SDK1: variants seen among roughly 807,000 people sequenced by gnomAD.
SDK1 encodes protein sidekick-1.
SDK1 carries 157 observed loss-of-function variants against 245.5 expected under a neutral mutation model. The ratio of observed to expected loss-of-function variants is 0.64; its 90% CI spans 0.56 to 0.73. SDK1 has a LOEUF of 0.73. Ranked by LOEUF, SDK1 falls within the 30% of genes least tolerant of loss-of-function variation. The pLI, the probability that SDK1 is intolerant of heterozygous loss-of-function variation, is 0.00. For synonymous variants in SDK1, 1,647 were observed against 1,278.5 expected, an observed-to-expected ratio of 1.29 and a Z score of -6.15; for missense variants, 3,583 against 3,002.3, an observed-to-expected ratio of 1.19 and a Z score of -4.52.
chr7:4,073,131 C>T (rs746067130), intron 20 of SDK1, among the ~76,000 whole-genome samples: 4 of 152,178 alleles, frequency 2.6e-5, no homozygotes, highest in East Asian at 1.9e-4. Flanking sequence ...GGATGCCAAG[C>T]GGGAGGTACC....
intron 1 of SDK1, among the ~76,000 whole-genome samples, chr7:3,412,143 G>A (rs755524416): frequency 2.0e-5 from 3 of 152,150 alleles, no homozygotes; most frequent in Non-Finnish European, 2.9e-5. Context: ...GCTAGATTTA[G>A]GGGTGTAAGA....
At chr7:3,459,884 G>T (rs910859370) in intron 1 of SDK1, among the ~76,000 whole-genome samples, 4 of 152,146 alleles carry the variant, frequency 2.6e-5, no homozygotes, top group Non-Finnish European at 5.9e-5. Flanking sequence ...GTAAGAGAAG[G>T]TATCTCTCGT....
chr7:3,677,002 T>TG (rs1197775961), intron 4 of SDK1, among the ~76,000 whole-genome samples: 1 of 152,228 alleles, frequency 6.6e-6, no homozygotes, highest in African/African-American at 2.4e-5. Flanking sequence ...TTCTGTTCCC[T>TG]GGACATACCA....
chr7:4,244,488 C>G (rs1786716689), intron 43 of SDK1, among the ~76,000 whole-genome samples: 1 of 152,220 alleles, frequency 6.6e-6, no homozygotes, highest in Admixed American at 6.5e-5. Flanking sequence ...GTTCTGAGTT[C>G]TCCATCTGAA....
chr7:4,091,334 CTT>C (rs61065472), intron 22 of SDK1, among the ~76,000 whole-genome samples: 5 of 108,256 alleles, frequency 4.6e-5, no homozygotes, highest in Non-Finnish European at 5.3e-5. Context: ...CTTTTCTTTT[CTT>C]TTTTTTTTTT....
intron 22 of SDK1, among the ~76,000 whole-genome samples, chr7:4,087,458 TG>T (rs1331617476): frequency 6.9e-6 from 1 of 143,958 alleles, no homozygotes; most frequent in East Asian, 1.9e-4. Context: ...AACCAATGTG[TG>T]TGCACAGACA....
In SDK1 at chr7:3,511,591, T is replaced by G. The variant is rs202011717; in HGVS notation, c.299-107489T>G. On this transcript the variant is annotated intron_variant, in intron 1 of 44. Coordinates refer to ENST00000404826, the MANE Select transcript of SDK1 (RefSeq NM_152744.4). ...GCAGTTATTCCTGTCTTCTTAACAT[T>G]GTTGATCTTTCTAACCCTCTAGTTC... Among the ~76,000 whole-genome samples the G allele has an allele frequency of 3.3e-5, 5 of 152,290 alleles. No individual in the cohort carries two copies. In the East Asian group the frequency reaches 9.6e-4, roughly 29 times the overall value.
At chr7:3,506,859 C>A (rs921347339) in intron 1 of SDK1, among the ~76,000 whole-genome samples, 1 of 151,714 alleles carries the variant, frequency 6.6e-6, no homozygotes, top group East Asian at 1.9e-4. Context: ...TAAACACACA[C>A]ATTTATTCAT....
intron 44 of SDK1, among the ~76,000 whole-genome samples, chr7:4,251,093 C>T (rs866545424): frequency 1.8e-4 from 28 of 152,164 alleles, no homozygotes; most frequent in African/African-American, 6.5e-4. Context: ...ATCAGGGTCA[C>T]TGATATATGT....
intron 4 of SDK1, among the ~76,000 whole-genome samples, chr7:3,729,907 T>C (rs1779128707): frequency 6.6e-6 from 1 of 152,096 alleles, no homozygotes; most frequent in Non-Finnish European, 1.5e-5. Flanking sequence ...ACATACATGC[T>C]ATCTCGCATG....
chr7:3,609,153 C>G (rs1583222644), intron 1 of SDK1, among the ~76,000 whole-genome samples: 2 of 152,110 alleles, frequency 1.3e-5, no homozygotes, highest in East Asian at 3.9e-4. Context: ...GAATTAATAA[C>G]TTTTTAAAGT....
intron 42 of SDK1, among the ~76,000 whole-genome samples, chr7:4,239,307 A>G (rs1271376679): frequency 6.6e-6 from 1 of 152,188 alleles, no homozygotes; most frequent in Non-Finnish European, 1.5e-5. Context: ...GTTGGTGGAG[A>G]GGTATAAACA....
intron 20 of SDK1, among the ~76,000 whole-genome samples, chr7:4,069,850 C>G (rs1445590086): frequency 6.6e-6 from 1 of 152,212 alleles, no homozygotes; most frequent in Non-Finnish European, 1.5e-5. Flanking sequence ...TAACCGAGGC[C>G]TGGCGATGAC....
chr7:3,796,532 A>G (rs2115029663), intron 4 of SDK1, among the ~76,000 whole-genome samples: 1 of 152,080 alleles, frequency 6.6e-6, no homozygotes, highest in Admixed American at 6.5e-5. Flanking sequence ...CCCCCAGCCT[A>G]CAATCCATTC....
intron 4 of SDK1, among the ~76,000 whole-genome samples, chr7:3,799,671 C>G (rs936671825): frequency 6.9e-6 from 1 of 144,700 alleles, no homozygotes; most frequent in East Asian, 2.1e-4. Flanking sequence ...CGCCACTGCA[C>G]TCCAGCCTGG....
intron 27 of SDK1, among the ~76,000 whole-genome samples, chr7:4,131,369 G>C (rs1185742762): frequency 6.6e-6 from 1 of 152,208 alleles, no homozygotes; most frequent in Non-Finnish European, 1.5e-5. Flanking sequence ...TCTGAAGTCA[G>C]CGTTTGCGTA....
Position 3,512,018 on chromosome 7 carries a change from C to T in SDK1, c.299-107062C>T, listed in dbSNP as rs538145628. On this transcript the variant is annotated intron_variant, in intron 1 of 44. Transcript: ENST00000404826. ...ATTAGAATTCACTCTTGATATTGTA[C>T]ATTCTCTGGGTGTGGGTGAATTTAT... Among the ~76,000 whole-genome samples, 6 of 151,716 alleles carry T rather than the reference C, an allele frequency of 4.0e-5. No homozygotes were observed. In the South Asian group the frequency reaches 1.3e-3, roughly 32 times the overall value.
intron 5 of SDK1, among the ~76,000 whole-genome samples, chr7:3,879,534 C>A (rs1480275327): frequency 2.0e-5 from 3 of 152,182 alleles, no homozygotes. Flanking sequence ...TGCTTCAGAA[C>A]CTTGGCAGAG....
At chr7:4,205,599 C>T (rs983497898) in intron 35 of SDK1, among the ~76,000 whole-genome samples, 2 of 152,192 alleles carry the variant, frequency 1.3e-5, no homozygotes, top group African/African-American at 4.8e-5. Flanking sequence ...CTGTGCAATT[C>T]TATATATTTT....
Sources: allele counts gnomAD v4.1 joint callset (sites outside exome capture counted in the v4.1 genomes callset), GRCh38; gene constraint gnomAD v4.1.1; transcripts MANE v1.5; gene names NCBI Gene and HGNC (gene_info 2026-07-23, HGNC 2026-07-21).